SEPTIN2: variants seen among roughly 807,000 people sequenced by gnomAD.
The protein encoded by SEPTIN2 is septin-2.
A neutral mutation model predicts 46.5 loss-of-function variants in SEPTIN2; 34 were observed. That is an observed-to-expected ratio of 0.73 (90% CI 0.56 to 0.97). The LOEUF (loss-of-function observed/expected upper bound fraction) is 0.97, where lower values mean the gene tolerates loss of function less well. Among genes scored for constraint, SEPTIN2 ranks in the 50% least tolerant of loss-of-function variants. The probability of loss-of-function intolerance (pLI) is 0.00; values close to 1 mark genes in which losing one functional copy is unlikely to be tolerated. For missense variants in SEPTIN2, 347 were observed against 448.4 expected, an observed-to-expected ratio of 0.77 and a Z score of 2.04; for synonymous variants, 175 against 153.4, an observed-to-expected ratio of 1.14 and a Z score of -1.04.
rs182764242 is a variant in SEPTIN2 at position 241,352,457 on chromosome 2, A to G, written c.*520A>G. 4 of 152,782 alleles carry G rather than the reference A, an allele frequency of 2.6e-5. No individual in the cohort carries two copies. In the South Asian group the frequency reaches 6.2e-4, roughly 24 times the overall value. 9.5% of individuals were successfully genotyped at this position (152,782 alleles called of 1,614,324 possible). A position where few individuals can be genotyped will look rare whatever the true frequency, so the allele number is the denominator to read the frequency against. ...TTTGCTTCCTTGCTTTTATGTTTGTACACAACACCTAAAACCAGTTTTGCT... is the reference window on the plus strand; with the variant it reads ...TTTGCTTCCTTGCTTTTATGTTTGTGCACAACACCTAAAACCAGTTTTGCT... On this transcript the variant is annotated 3_prime_UTR_variant, in exon 13 of 13. Coordinates refer to ENST00000391971, the MANE Select transcript of SEPTIN2 (RefSeq NM_004404.5).
intron 3 of SEPTIN2, among the ~76,000 whole-genome samples, chr2:241,331,864 C>T (rs1044009894): frequency 6.6e-6 from 1 of 152,198 alleles, no homozygotes; most frequent in Non-Finnish European, 1.5e-5. Context: ...GGTAGATACA[C>T]AGATCTACTA....
intron 12 of SEPTIN2, chr2:241,351,608 A>C (rs892759932): frequency 6.6e-6 from 1 of 152,144 alleles, no homozygotes; most frequent in Non-Finnish European, 1.5e-5. Flanking sequence ...GTGACTGGGG[A>C]AGTGAGGGTA....
intron 11 of SEPTIN2, 86 bp from the exon 12 acceptor site, chr2:241,349,987 G>A: frequency 7.4e-7 from 1 of 1,353,948 alleles, no homozygotes; most frequent in Non-Finnish European, 1.0e-6. Context: ...TGTAGAAGTT[G>A]AAATTTTAGG....
chr2:241,315,524 T>A (rs1012141302), upstream of SEPTIN2: 3 of 152,716 alleles, frequency 2.0e-5, no homozygotes, highest in Non-Finnish European at 4.4e-5. Flanking sequence ...ACAAACGGCC[T>A]TCCCCCCACT....
chr2:241,318,379 C>T (rs1559583921), intron 1 of SEPTIN2: 1 of 152,144 alleles, frequency 6.6e-6, no homozygotes, highest in Non-Finnish European at 1.5e-5. Flanking sequence ...TCAGCATTGG[C>T]ATTTAATCTT....
chr2:241,320,123 C>G, intron 1 of SEPTIN2: 1 of 422,416 alleles, frequency 2.4e-6, no homozygotes, highest in Non-Finnish European at 4.9e-6. Context: ...TCCTTTGTTC[C>G]TTTCTTATGT....
rs773545628 is a variant in SEPTIN2 at position 241,343,862 on chromosome 2, G to A, written c.807G>A (p.Glu269=). The A allele has an allele frequency of 2.4e-5, 39 of 1,614,108 alleles. 1 individual carries two copies. The South Asian group carries it at 3.3e-4, about 14-fold the overall frequency. ...PWGVVEVENP[E]HNDFLKLRTM... ...GTGTTGTGGAAGTGGAGAACCCAGAGCACAATGACTTTCTGAAGCTGAGAA... is the reference window on the plus strand; with the variant it reads ...GTGTTGTGGAAGTGGAGAACCCAGAACACAATGACTTTCTGAAGCTGAGAA... Residue 269 remains glutamate, a synonymous_variant, in exon 9 of 13, where the codon GAG becomes GAA. Transcript: ENST00000391971.
intron 5 of SEPTIN2, 77 bp from the exon 6 acceptor site, chr2:241,337,305 C>T (rs2080190514): frequency 4.0e-6 from 5 of 1,239,188 alleles, no homozygotes; most frequent in Non-Finnish European, 5.6e-6. Context: ...TGGGCGGAGG[C>T]ACTTGTTTTC....
intron 7 of SEPTIN2, 43 bp downstream of exon 7, chr2:241,337,833 G>A (rs1411127010): frequency 1.8e-5 from 24 of 1,340,936 alleles, no homozygotes; most frequent in African/African-American, 5.7e-5. Context: ...GGTGCGACTC[G>A]GGGGCATGGG....
chr2:241,344,882 A>G (rs558429384), intron 9 of SEPTIN2, among the ~76,000 whole-genome samples: 180 of 152,114 alleles, frequency 1.2e-3, no homozygotes, highest in African/African-American at 4.2e-3. Flanking sequence ...CCTGGCTGAC[A>G]TGGTGAAACC....
At chr2:241,335,355 G>A in intron 4 of SEPTIN2, 143 bp downstream of exon 4, 2 of 1,552,672 alleles carry the variant, frequency 1.3e-6, no homozygotes, top group Non-Finnish European at 1.7e-6. Flanking sequence ...TTATGGGGTA[G>A]GTGTGCTGCA....
chr2:241,346,416 T>C lies in SEPTIN2; in HGVS notation c.926+167T>C, dbSNP rs111274283. On this transcript the variant is annotated intron_variant, in intron 10 of 12. Transcript: ENST00000391971. Reference sequence around the variant, plus strand: ...TTAATTTAATCAAATTATGCTCTTTTAGCCTTTTTAAGAAAAAGTACATTT... The same window carrying C: ...TTAATTTAATCAAATTATGCTCTTTCAGCCTTTTTAAGAAAAAGTACATTT... 4.1e-5 allele frequency: 20 copies of C among 487,036 alleles called. 1 individual carries two copies. Among genetic ancestry groups the C allele is most frequent in the African/African-American group, 2.9e-4 (15 of 50,862 alleles). 30.2% of individuals were successfully genotyped at this position (487,036 alleles called of 1,614,324 possible). A position where few individuals can be genotyped will look rare whatever the true frequency, so the allele number is the denominator to read the frequency against.
chr2:241,338,186 C>A (rs2080347517), intron 7 of SEPTIN2, among the ~76,000 whole-genome samples: 1 of 152,128 alleles, frequency 6.6e-6, no homozygotes. Context: ...GTTCTCTGTT[C>A]TGTTTGGAAA....
At chr2:241,344,937 C>A (rs993479367) in intron 9 of SEPTIN2, among the ~76,000 whole-genome samples, 2 of 151,778 alleles carry the variant, frequency 1.3e-5, no homozygotes, top group South Asian at 2.1e-4. Flanking sequence ...CATGGTGAAA[C>A]CCTGTCTCTA....
intron 9 of SEPTIN2, among the ~76,000 whole-genome samples, chr2:241,344,862 T>TTGAAACCAGCCTGGCTGACATGG (rs2081789176): frequency 6.6e-6 from 1 of 151,088 alleles, no homozygotes; most frequent in Admixed American, 6.6e-5. Context: ...GGTCAGGAGT[T>TTGAAACCAGCCTGGCTGACATGG]TGAAACCAGC....
rs1277336117 is a variant in SEPTIN2, at chr2:241,351,966, GA to G, written c.*33del. On this transcript the variant is annotated splice_region_variant and 3_prime_UTR_variant, in exon 13 of 13. Transcript: ENST00000391971. ...AGTGTGTTTTGTTTTCTTTTTTCTAGAAAACACTTTCCTGGATAAAAAAGAA... is the reference window on the plus strand; with the variant it reads ...AGTGTGTTTTGTTTTCTTTTTTCTAGAAACACTTTCCTGGATAAAAAAGAA... 6.6e-6 allele frequency: 1 copy of G among 152,516 alleles called. No individual in the cohort carries two copies. The highest frequency in any genetic ancestry group is 1.5e-5 in the Non-Finnish European group (1 of 68,000). 9.4% of individuals were successfully genotyped at this position (152,516 alleles called of 1,614,324 possible).
At chr2:241,333,702 A>C (rs1431179151) in intron 3 of SEPTIN2, among the ~76,000 whole-genome samples, 11 of 151,716 alleles carry the variant, frequency 7.3e-5, no homozygotes, top group Non-Finnish European at 1.3e-4. Flanking sequence ...ACGGGGTTTC[A>C]CCATGTTAGC....
chr2:241,325,416 A>G (rs1219505246), intron 2 of SEPTIN2, among the ~76,000 whole-genome samples: 1 of 152,122 alleles, frequency 6.6e-6, no homozygotes, highest in Non-Finnish European at 1.5e-5. Flanking sequence ...GGTCTTTGAC[A>G]CTAGATACTC....
rs150060974 is a variant in SEPTIN2 at position 241,328,586 on chromosome 2, T to C, written c.130+2473T>C. Among the ~76,000 whole-genome samples, 450 of 134,110 alleles carry C rather than the reference T, an allele frequency of 3.4e-3. 11 individuals are homozygous for C. The highest frequency in any genetic ancestry group is 0.025 in the Admixed American group (322 of 13,122). 88.0% of individuals were successfully genotyped at this position (134,110 alleles called of 152,430 possible). On this transcript the variant is annotated intron_variant, in intron 3 of 12. Transcript: ENST00000391971. ...ATCCTGCCTTTACTAAAAAAAAAAA[T>C]ACTAAATTAGCTGGGCGTGTTGGCA...
Sources: allele counts gnomAD v4.1 joint callset (sites outside exome capture counted in the v4.1 genomes callset), GRCh38; gene constraint gnomAD v4.1.1; transcripts MANE v1.5; gene names NCBI Gene and HGNC (gene_info 2026-07-23, HGNC 2026-07-21).